The following RYR3 variants were observed in gnomAD, a reference collection of about 807,000 sequenced individuals.
The protein encoded by RYR3 is brain ryanodine receptor-calcium release channel.
RYR3 carries 207 observed loss-of-function variants against 584.3 expected under a neutral mutation model. The ratio of observed to expected loss-of-function variants is 0.35; its 90% CI spans 0.32 to 0.40. The LOEUF is 0.40. RYR3 is among the 10% of genes least tolerant of loss of function. RYR3 has a pLI of 1.00. For synonymous variants in RYR3, 2,416 were observed against 2,248.5 expected, an observed-to-expected ratio of 1.07 and a Z score of -2.11; for missense variants, 5,616 against 6,089.2, an observed-to-expected ratio of 0.92 and a Z score of 2.59.
Position 33,756,517 on chromosome 15 carries a change from C to T in RYR3, c.8583+144C>T, listed in dbSNP as rs565723936. ...GTATATTTCTCTGTCGTGTAACAGT[C>T]CCAAGGGAGGCTGGCAGTCCAAGGA... On this transcript the variant is annotated intron_variant, in intron 59 of 103. Transcript: ENST00000634891. 2.7e-5 allele frequency: 19 copies of T among 691,184 alleles called. No homozygotes were observed. The South Asian group carries it at 3.0e-4, about 11-fold the overall frequency. 42.8% of individuals were successfully genotyped at this position (691,184 alleles called of 1,614,324 possible).
In RYR3 at chr15:33,755,127, TGAA is replaced by T; in HGVS notation, c.8468_8470del (p.Lys2823del). The T allele has an allele frequency of 2.5e-6, 4 of 1,613,438 alleles. No individual in the cohort carries two copies. Among genetic ancestry groups the T allele is most frequent in the Non-Finnish European group, 3.4e-6 (4 of 1,179,670 alleles). On this transcript the variant is annotated inframe_deletion, in exon 58 of 104. Transcript: ENST00000634891. ...GAGAAGAGGTTTGCCTATAAGTTCT[TGAA>T]GAAGATCCTGAAATACGTTGATTCT... is the stretch of plus-strand genomic sequence containing the variant.
chr15:33,649,137 G>A lies in RYR3; in HGVS notation c.4044G>A (p.Val1348=). ...QDPSCVWVGW[V]TPDYHLYSEK... ...CATCCTGTGTCTGGGTCGGATGGGT[G>A]ACTCCAGACTATCACTTGTACAGTG... Residue 1348 remains valine (V), a synonymous_variant, in exon 31 of 104, where the codon GTG becomes GTA. Coordinates refer to ENST00000634891, the MANE Select transcript of RYR3 (RefSeq NM_001036.6). The A allele has an allele frequency of 6.2e-7, 1 of 1,613,788 alleles. No individual in the cohort carries two copies. The highest frequency in any genetic ancestry group is 1.1e-5 in the South Asian group (1 of 91,056).
chr15:33,805,679 G>A lies in RYR3; in HGVS notation c.10012-1876G>A, dbSNP rs562643569. ...TTTTTAGTAGAGACAGGGTTTCACT[G>A]TGTTAGCCAGGATGGTCTCGATCTC... is the stretch of plus-strand genomic sequence containing the variant. On this transcript the variant is annotated intron_variant, in intron 69 of 103. Coordinates refer to ENST00000634891, the MANE Select transcript of RYR3 (RefSeq NM_001036.6). Among the ~76,000 whole-genome samples, 710 of 151,538 alleles carry A rather than the reference G, an allele frequency of 4.7e-3. 3 individuals carry two copies. The highest frequency in any genetic ancestry group is 0.015 in the African/African-American group (632 of 41,418).
chr15:33,788,798 T>C (rs748700950), intron 67 of RYR3, among the ~76,000 whole-genome samples: 50 of 152,342 alleles, frequency 3.3e-4, no homozygotes, highest in Admixed American at 8.5e-4. Context: ...TGCCTGACTG[T>C]GTGTTAAGCG....
At chr15:33,843,617 C>G in intron 92 of RYR3, 43 bp downstream of exon 92, 1 of 1,243,796 alleles carries the variant, frequency 8.0e-7, no homozygotes, top group Non-Finnish European at 1.1e-6. Context: ...ATGCTGTATA[C>G]TAAGTATGCT....
chr15:33,562,774 G>A (rs1947974935), intron 10 of RYR3, 63 bp from the exon 11 acceptor site: 1 of 1,254,368 alleles, frequency 8.0e-7, no homozygotes, highest in Non-Finnish European at 1.1e-6. Context: ...GATTCGTTTT[G>A]TATATTGAGC....
chr15:33,579,106 A>G (rs1292178011), intron 12 of RYR3, among the ~76,000 whole-genome samples: 1 of 152,188 alleles, frequency 6.6e-6, no homozygotes, highest in Non-Finnish European at 1.5e-5. Flanking sequence ...GGCAGGTAAC[A>G]TGGGGTTGGG....
At chr15:33,834,652 G>GT (rs2152976228) in intron 86 of RYR3, among the ~76,000 whole-genome samples, 1 of 152,226 alleles carries the variant, frequency 6.6e-6, no homozygotes, top group East Asian at 1.9e-4. Context: ...CTTCAGCCCT[G>GT]TGTCAACCAC....
Position 33,436,762 on chromosome 15 carries a change from C to A in RYR3, c.52-36657C>A, listed in dbSNP as rs183697840. Among the ~76,000 whole-genome samples the A allele has an allele frequency of 8.5e-5, 13 of 152,170 alleles. No individual in the cohort carries two copies. In the East Asian group the frequency reaches 2.3e-3, roughly 27 times the overall value. On this transcript the variant is annotated intron_variant, in intron 1 of 103. Coordinates refer to ENST00000634891, the MANE Select transcript of RYR3 (RefSeq NM_001036.6). Reference sequence around the variant, plus strand: ...CTTGTGATCCATCTACCTCAGCCTCCCAAAGTGCTGGTATTACAAGCATGA... The same window carrying A: ...CTTGTGATCCATCTACCTCAGCCTCACAAAGTGCTGGTATTACAAGCATGA...
At chr15:33,731,377 T>G in intron 47 of RYR3, 97 bp from the exon 48 acceptor site, 1 of 796,620 alleles carries the variant, frequency 1.3e-6, no homozygotes, top group Non-Finnish European at 2.1e-6. Context: ...TGGACATATA[T>G]AAGCTCCCAC....
chr15:33,533,585 A>G (rs2055062612), intron 5 of RYR3, among the ~76,000 whole-genome samples, 196 bp downstream of exon 5: 1 of 152,212 alleles, frequency 6.6e-6, no homozygotes, highest in Non-Finnish European at 1.5e-5. Flanking sequence ...AATGAAGGAG[A>G]ACATAATGTT....
intron 19 of RYR3, 50 bp from the exon 20 acceptor site, chr15:33,623,757 T>A (rs746823345): frequency 1.5e-6 from 2 of 1,306,230 alleles, no homozygotes; most frequent in Non-Finnish European, 2.2e-6. Flanking sequence ...TTATTTGGGC[T>A]GCATTGTTTT....
chr15:33,604,579 T>C (rs1182358364), intron 18 of RYR3, among the ~76,000 whole-genome samples: 4 of 152,222 alleles, frequency 2.6e-5, no homozygotes, highest in Non-Finnish European at 5.9e-5. Context: ...TTCGTTCATG[T>C]TCTGTGTGTC....
intron 38 of RYR3, among the ~76,000 whole-genome samples, chr15:33,672,459 C>A (rs543039731): frequency 6.6e-6 from 1 of 152,272 alleles, no homozygotes; most frequent in Non-Finnish European, 1.5e-5. Flanking sequence ...GTCATAAGTA[C>A]TCTATCTTGG....
intron 74 of RYR3, among the ~76,000 whole-genome samples, chr15:33,816,507 C>G (rs1367617132): frequency 6.6e-6 from 1 of 152,136 alleles, no homozygotes; most frequent in Non-Finnish European, 1.5e-5. Flanking sequence ...AAAGGAATAC[C>G]TAAATTGCCA....
intron 1 of RYR3, among the ~76,000 whole-genome samples, chr15:33,372,475 C>T (rs2040408821): frequency 1.3e-5 from 2 of 150,714 alleles, no homozygotes; most frequent in South Asian, 2.1e-4. Flanking sequence ...CACCATTCTC[C>T]TCCCTCACCC....
At chr15:33,715,903 A>G (rs1193518735) in intron 43 of RYR3, among the ~76,000 whole-genome samples, 1 of 152,188 alleles carries the variant, frequency 6.6e-6, no homozygotes, top group African/African-American at 2.4e-5. Flanking sequence ...ACTGTTTAAT[A>G]TGGTTTGGAT....
chr15:33,506,692 C>T (rs111416404), intron 3 of RYR3, among the ~76,000 whole-genome samples: 2 of 152,190 alleles, frequency 1.3e-5, no homozygotes, highest in African/African-American at 4.8e-5. Flanking sequence ...ACAGCAGCTT[C>T]AGGTACTAGA....
intron 32 of RYR3, among the ~76,000 whole-genome samples, chr15:33,657,300 G>A (rs1330831136): frequency 1.3e-5 from 2 of 152,160 alleles, no homozygotes; most frequent in African/African-American, 4.8e-5. Context: ...AGTCCTGAGG[G>A]ACCTGAAAAT....
Sources: gnomAD v4.1 joint callset for allele counts (sites outside exome capture counted in the v4.1 genomes callset) on GRCh38, gnomAD v4.1.1 for gene constraint, MANE v1.5 for transcripts, NCBI Gene and HGNC (gene_info 2026-07-23, HGNC 2026-07-21) for gene names.